FBXW9: variants seen among roughly 807,000 people sequenced by gnomAD.
FBXW9 encodes the protein F-box/WD repeat-containing protein 9.
FBXW9 carries 38 observed loss-of-function variants against 55.8 expected under a neutral mutation model. The observed-to-expected ratio is 0.68, with a 90% CI of 0.53 to 0.89. The LOEUF is 0.89. Among genes scored for constraint, FBXW9 ranks in the 40% least tolerant of loss-of-function variants. The pLI, the probability that FBXW9 is intolerant of heterozygous loss-of-function variation, is 0.00. For missense variants in FBXW9, 590 were observed against 619.4 expected, an observed-to-expected ratio of 0.95 and a Z score of 0.50; for synonymous variants, 289 against 278.2, an observed-to-expected ratio of 1.04 and a Z score of -0.38.
At chr19:12,694,549 G>C (rs1423491810) in intron 3 of FBXW9, 45 bp downstream of exon 3, 2 of 1,593,860 alleles carry the variant, frequency 1.3e-6, no homozygotes, top group South Asian at 2.2e-5. Flanking sequence ...TAACCAAGAT[G>C]CCCTACTCAG....
At chr19:12,691,945 G>A (rs1027701604) in intron 3 of FBXW9, among the ~76,000 whole-genome samples, 2 of 151,968 alleles carry the variant, frequency 1.3e-5, no homozygotes, top group East Asian at 1.9e-4. Flanking sequence ...TAGTAGAGAC[G>A]GGGTTTCACC....
chr19:12,696,279 G>A lies in FBXW9; in HGVS notation c.303C>T (p.His101=), dbSNP rs766797950. 2.9e-5 allele frequency: 45 copies of A among 1,574,996 alleles called. No homozygotes were observed. In the Admixed American group the frequency reaches 6.3e-4, roughly 22 times the overall value. Reference sequence around the variant, plus strand: ...GCGCGTGGCACACCCGCGACAGGACGTGGAGCACGAGGCGGGCGTCCAGGT... The same window carrying A: ...GCGCGTGGCACACCCGCGACAGGACATGGAGCACGAGGCGGGCGTCCAGGT... ...CSYLDARLVL[H]VLSRVCHALR... is the part of the protein sequence containing the mutation. The change falls in exon 1 of 10, where the codon CAC becomes CAT. Residue 101 remains histidine (H), a synonymous_variant. Transcript: ENST00000393261.
chr19:12,693,559 TATACACACACAC>T (rs1191248094), intron 3 of FBXW9, among the ~76,000 whole-genome samples: 200 of 10,980 alleles, frequency 0.018, 5 homozygotes, highest in Non-Finnish European at 0.025. Flanking sequence ...TATATATATA[TATACACACACAC>T]ACACACACAC....
Position 12,696,590 on chromosome 19 carries a change from G to A in FBXW9, c.-9C>T, listed in dbSNP as rs777124584. On this transcript the variant is annotated 5_prime_UTR_variant, in exon 1 of 10. Transcript: ENST00000393261. ...CCTAGGGGAAGCTCCATTGCGACCG[G>A]GTGGGCGCTGCCGGCCTCGCGTCTT... The A allele has an allele frequency of 1.6e-5, 25 of 1,604,706 alleles. No individual in the cohort carries two copies. The highest frequency in any genetic ancestry group is 2.7e-5 in the African/African-American group (2 of 74,770).
chr19:12,693,589 C>T (rs1407402248), intron 3 of FBXW9, among the ~76,000 whole-genome samples: 1 of 104,028 alleles, frequency 9.6e-6, no homozygotes, highest in African/African-American at 6.7e-5. Context: ...CACACACACA[C>T]ACACACACAC....
intron 3 of FBXW9, among the ~76,000 whole-genome samples, chr19:12,693,607 C>A (rs866887598): frequency 0.089 from 6,746 of 75,626 alleles, 1,466 homozygotes; most frequent in African/African-American, 0.37. Context: ...CACACACACA[C>A]AAAAGAAATT....
At chr19:12,690,166 C>A (rs780708510) in intron 5 of FBXW9, 56 bp from the exon 6 acceptor site, 2 of 1,608,904 alleles carry the variant, frequency 1.2e-6, no homozygotes, top group African/African-American at 2.7e-5. Context: ...AAGGCCCCCC[C>A]CAGCCCATGA....
In FBXW9 at chr19:12,696,225, G is replaced by A. The variant is rs773320018; in HGVS notation, c.357C>T (p.Thr119=). 2 of 1,559,526 alleles carry A rather than the reference G, an allele frequency of 1.3e-6. No homozygotes were observed. The highest frequency in any genetic ancestry group is 1.2e-5 in the South Asian group (1 of 85,472). ...CGCGGCGTAGCGCGCGTAGCCTCCA[G>A]GTGACATGGTCAGACACGAGGTCGC... The part of the protein sequence containing the change: ...ALRDLVSDHV[T]WRLRALRRVR... The change falls in exon 1 of 10, where the codon ACC becomes ACT. Residue 119 remains threonine (T), a synonymous_variant. Transcript: ENST00000393261.
intron 4 of FBXW9, 29 bp downstream of exon 4, chr19:12,691,313 G>A (rs376584529): frequency 1.4e-5 from 23 of 1,611,986 alleles, no homozygotes; most frequent in Middle Eastern, 1.6e-4. Flanking sequence ...TCCTATCCCC[G>A]CAGGCCCCCT....
intron 3 of FBXW9, among the ~76,000 whole-genome samples, chr19:12,693,525 AAAAAATATATATAT>A (rs2025032455): frequency 3.8e-5 from 1 of 25,986 alleles, no homozygotes; most frequent in Non-Finnish European, 7.8e-5. Context: ...AAAAAAAAAA[AAAAAATATATATAT>A]ATATATATAT....
In FBXW9 at chr19:12,690,215, G is replaced by C. The variant is rs371265862; in HGVS notation, c.884-105C>G. The C allele has an allele frequency of 1.5e-5, 24 of 1,555,188 alleles. No individual in the cohort carries two copies. In the Admixed American group the frequency reaches 2.0e-4, roughly 13 times the overall value. ...CTCCATCCTGTCTGGCAAAACCCTC[G>C]ATCTGCTCATTCCCCCACCCCACAG... On this transcript the variant is annotated intron_variant, in intron 5 of 9. Transcript: ENST00000393261.
In FBXW9 at chr19:12,696,308, A is replaced by C. The variant is rs1599398223; in HGVS notation, c.274T>G (p.Ser92Ala). ...AGCACGAGGCGGGCGTCCAGGTAGG[A>C]GCAGATCTCGAGCAGCAGCTCCGGG... is the stretch of plus-strand genomic sequence containing the variant. ...LPPELLLEIC[S>A]YLDARLVLHV... The change falls in exon 1 of 10, where the codon TCC becomes GCC. Residue 92 changes from serine (S) to alanine (A), a missense_variant. Ser to Ala is a moderately conservative substitution (Grantham distance 99). Coordinates refer to ENST00000393261, the MANE Select transcript of FBXW9 (RefSeq NM_032301.3). 1 of 1,583,302 alleles carries C rather than the reference A, an allele frequency of 6.3e-7. No individual in the cohort carries two copies. Among genetic ancestry groups the C allele is most frequent in the East Asian group, 2.3e-5 (1 of 43,210 alleles).
intron 3 of FBXW9, 138 bp from the exon 4 acceptor site, chr19:12,691,592 C>A (rs1329988646): frequency 4.4e-6 from 3 of 678,910 alleles, no homozygotes; most frequent in South Asian, 1.8e-5. Context: ...TCCCCAGTGC[C>A]CATGGTGATA....
chr19:12,693,518 AAAAAAAAAAAAAT>A lies in FBXW9; in HGVS notation c.678+1063_678+1075del, dbSNP rs1233117278. ...TACTAAAGGAAAAAAAAAAAAAAAA[AAAAAAAAAAAAAT>A]ATATATATATATATATATATATATA... On this transcript the variant is annotated intron_variant, in intron 3 of 9. Coordinates refer to ENST00000393261, the MANE Select transcript of FBXW9 (RefSeq NM_032301.3). 4.5e-3 allele frequency among the ~76,000 whole-genome samples: 147 copies of A among 32,454 alleles called. 5 individuals are homozygous for A. Among genetic ancestry groups the A allele is most frequent in the African/African-American group, 0.017 (145 of 8,424 alleles). The allele number at this position is 32,454 out of a possible 152,430, so 21.3% of individuals were successfully genotyped here. A position where few individuals can be genotyped will look rare whatever the true frequency, so the allele number is the denominator to read the frequency against.
At position 12,689,821 on chromosome 19, in the gene FBXW9, A is replaced by G; in HGVS notation, c.1086T>C (p.Gly362=). ...MSYQEPQLWA[G]DNQGLLHVFA... is the part of the protein sequence containing the mutation. ...AGACGTGCAGCAGGCCCTGGTTGTC[A>G]CCAGCCCAGAGCTGGGGTTCCTGGT... is the stretch of plus-strand genomic sequence containing the variant. The change falls in exon 7 of 10, where the codon GGT becomes GGC. Residue 362 remains glycine, a synonymous_variant. Transcript: ENST00000393261. The surrounding 1 kb of genome is among the most constrained non-coding windows in gnomAD (Gnocchi z 5.9). 2 of 1,614,140 alleles carry G rather than the reference A, an allele frequency of 1.2e-6. No individual in the cohort carries two copies. Among genetic ancestry groups the G allele is most frequent in the Non-Finnish European group, 1.7e-6 (2 of 1,180,022 alleles).
rs2024972766 is a variant in FBXW9 at position 12,689,514 on chromosome 19, G to C, written c.1236+27C>G. ...GTAGGGGAGAGGCAGGGACTGTCCTGGGGTGGGGGCTGGGCAGGAGCCTCA... is the reference window on the plus strand; with the variant it reads ...GTAGGGGAGAGGCAGGGACTGTCCTCGGGTGGGGGCTGGGCAGGAGCCTCA... On this transcript the variant is annotated intron_variant, in intron 8 of 9. Transcript: ENST00000393261. The surrounding 1 kb of genome is among the most constrained non-coding windows in gnomAD (Gnocchi z 5.9). The C allele has an allele frequency of 6.2e-7, 1 of 1,613,328 alleles. No homozygotes were observed. The highest frequency in any genetic ancestry group is 8.5e-7 in the Non-Finnish European group (1 of 1,179,412).
Position 12,693,586 on chromosome 19 carries a change from ACACACACACACACACACACAC to A in FBXW9, c.678+987_678+1007del, listed in dbSNP as rs1568326357. Among the ~76,000 whole-genome samples, 103 of 115,502 alleles carry A rather than the reference ACACACACACACACACACACAC, an allele frequency of 8.9e-4. 11 individuals carry two copies. Among genetic ancestry groups the A allele is most frequent in the African/African-American group, 5.2e-3 (100 of 19,398 alleles). The allele number at this position is 115,502 out of a possible 152,430, so 75.8% of individuals were successfully genotyped here. A position where few individuals can be genotyped will look rare whatever the true frequency, so the allele number is the denominator to read the frequency against. On this transcript the variant is annotated intron_variant, in intron 3 of 9. Transcript: ENST00000393261. ...TACACACACACACACACACACACAC[ACACACACACACACACACACAC>A]AAAAGAAATTAGCTGGGCATGGTGG...
At position 12,694,850 on chromosome 19, in the gene FBXW9, G is replaced by T. The variant is rs372438679; in HGVS notation, c.498C>A (p.Phe166Leu). The stretch of plus-strand genomic sequence containing the variant: ...AAGCCACGTGGCCTTCGGCCAGGCA[G>T]AAGTATTCGACCCAGCGCCCATCCT... ...WAEDGRWVEY[F>L]CLAEGHVASV... Residue 166 changes from phenylalanine to leucine, a missense_variant, in exon 2 of 10, where the codon TTC becomes TTA. Physicochemically the swap from Phe to Leu is conservative, Grantham distance 22. Transcript: ENST00000393261. 6.2e-7 allele frequency: 1 copy of T among 1,614,128 alleles called. No individual in the cohort carries two copies. Among genetic ancestry groups the T allele is most frequent in the African/African-American group, 1.3e-5 (1 of 75,076 alleles).
intron 3 of FBXW9, among the ~76,000 whole-genome samples, chr19:12,692,430 T>C (rs2025021115): frequency 6.6e-6 from 1 of 151,892 alleles, no homozygotes; most frequent in African/African-American, 2.4e-5. Context: ...TTCTCCATGT[T>C]GGTCAGGCTG....
Sources: gnomAD v4.1 joint callset for allele counts (sites outside exome capture counted in the v4.1 genomes callset) on GRCh38, gnomAD v4.1.1 for gene constraint, Gnocchi (gnomAD v3.1) non-coding constraint, MANE v1.5 for transcripts, NCBI Gene and HGNC (gene_info 2026-07-23, HGNC 2026-07-21) for gene names.